Variants in AP1G1 observed in about 807,000 individuals in gnomAD.
The protein encoded by AP1G1 is adaptor related protein complex 1 subunit gamma 1.
A neutral mutation model predicts 108.3 loss-of-function variants in AP1G1; 7 were observed. That is an observed-to-expected ratio of 0.06 (90% CI 0.04 to 0.12). The LOEUF is 0.12. AP1G1 is among the 10% of genes least tolerant of loss of function. The pLI, the probability that AP1G1 is intolerant of heterozygous loss-of-function variation, is 1.00. For synonymous variants in AP1G1, 379 were observed against 353.5 expected, an observed-to-expected ratio of 1.07 and a Z score of -0.81; for missense variants, 756 against 1,010.7, an observed-to-expected ratio of 0.75 and a Z score of 3.42.
Position 71,731,789 on chromosome 16 carries a change from T to C in AP1G1, c.*1269A>G, listed in dbSNP as rs566470871. On this transcript the variant is annotated 3_prime_UTR_variant, in exon 23 of 23. Transcript: ENST00000299980. Reference sequence around the variant, plus strand: ...TCTCAGACTGAGGAAAGGCTATTCCTACCCTATGGTGTCCGTAAGACCTCC... The same window carrying C: ...TCTCAGACTGAGGAAAGGCTATTCCCACCCTATGGTGTCCGTAAGACCTCC... 2.6e-5 allele frequency: 4 copies of C among 152,644 alleles called. No homozygotes were observed. The highest frequency in any genetic ancestry group is 5.9e-5 in the Non-Finnish European group (4 of 68,032). 9.5% of individuals were successfully genotyped at this position (152,644 alleles called of 1,614,324 possible). A position where few individuals can be genotyped will look rare whatever the true frequency, so the allele number is the denominator to read the frequency against.
intron 2 of AP1G1, among the ~76,000 whole-genome samples, chr16:71,779,115 G>A (rs2031903748): frequency 1.3e-5 from 2 of 152,140 alleles, no homozygotes; most frequent in Admixed American, 6.6e-5. Context: ...AAGCATTCTA[G>A]TCAGCCATTA....
At chr16:71,774,317 G>C (rs2031692587) in intron 3 of AP1G1, 151 bp downstream of exon 3, 7 of 733,970 alleles carry the variant, frequency 9.5e-6, no homozygotes, top group Non-Finnish European at 1.5e-5. Context: ...GGCAGTTGGG[G>C]GAGGACGGTG....
chr16:71,804,930 C>A (rs1167721723), intron 1 of AP1G1, among the ~76,000 whole-genome samples: 1 of 152,062 alleles, frequency 6.6e-6, no homozygotes, highest in Non-Finnish European at 1.5e-5. Flanking sequence ...ATCACTTGAA[C>A]CTGGGAGGAG....
intron 2 of AP1G1, chr16:71,777,822 T>C: frequency 2.6e-6 from 1 of 385,948 alleles, no homozygotes. Context: ...GCCTCCATGC[T>C]TTTCTCCAAC....
intron 1 of AP1G1, among the ~76,000 whole-genome samples, chr16:71,802,602 C>T (rs954878220): frequency 3.3e-5 from 5 of 151,988 alleles, no homozygotes; most frequent in Admixed American, 6.6e-5. Flanking sequence ...TGGTGGCGGG[C>T]GCCTGTAATT....
intron 6 of AP1G1, 64 bp downstream of exon 6, chr16:71,769,559 A>G: frequency 7.0e-7 from 1 of 1,437,166 alleles, no homozygotes; most frequent in Non-Finnish European, 9.8e-7. Context: ...GAAGAAAATC[A>G]TGTACTTTTC....
At chr16:71,807,903 T>G in intron 1 of AP1G1, 3 of 1,284,190 alleles carry the variant, frequency 2.3e-6, no homozygotes, top group Non-Finnish European at 3.0e-6. Context: ...ACCAAAAAGC[T>G]AAGTATTCAG....
intron 2 of AP1G1, among the ~76,000 whole-genome samples, chr16:71,779,985 GTTTT>G (rs1046891832): frequency 2.9e-5 from 4 of 139,428 alleles, no homozygotes; most frequent in African/African-American, 8.3e-5. Context: ...TTTTGTTTCA[GTTTT>G]TTTTTGTTTT....
chr16:71,767,808 G>C, intron 6 of AP1G1: 1 of 1,446,252 alleles, frequency 6.9e-7, no homozygotes, highest in South Asian at 1.1e-5. Flanking sequence ...CACATTTGTG[G>C]ATCGATACAC....
chr16:71,734,487 C>T (rs1344423984), intron 22 of AP1G1, 122 bp downstream of exon 22: 1 of 772,608 alleles, frequency 1.3e-6, no homozygotes, highest in Non-Finnish European at 2.2e-6. Flanking sequence ...TTAGACCAGG[C>T]ATTTTCATTG....
intron 2 of AP1G1, among the ~76,000 whole-genome samples, chr16:71,780,085 CT>C (rs1237352055): frequency 1.3e-5 from 2 of 150,418 alleles, no homozygotes; most frequent in Non-Finnish European, 3.0e-5. Context: ...CCTCTGCCTC[CT>C]GGGTTCAAGC....
intron 1 of AP1G1, among the ~76,000 whole-genome samples, chr16:71,799,878 G>A (rs889317126): frequency 1.9e-4 from 28 of 149,226 alleles, no homozygotes; most frequent in African/African-American, 6.7e-4. Context: ...CAGCCTTCGT[G>A]ACAGAGCGAG....
chr16:71,746,257 G>A (rs182488905), intron 17 of AP1G1, among the ~76,000 whole-genome samples: 195 of 152,162 alleles, frequency 1.3e-3, no homozygotes, highest in African/African-American at 4.4e-3. Context: ...TGATCTGCCC[G>A]CCTCGGCCTC....
At chr16:71,764,781 T>A in intron 7 of AP1G1, 55 bp from the exon 8 acceptor site, 1 of 1,124,218 alleles carries the variant, frequency 8.9e-7, no homozygotes, top group Non-Finnish European at 1.3e-6. Flanking sequence ...CAAAGAAATC[T>A]CACTTGGTAT....
At chr16:71,791,912 C>T (rs1358474979) in intron 1 of AP1G1, among the ~76,000 whole-genome samples, 1 of 151,942 alleles carries the variant, frequency 6.6e-6, no homozygotes, top group Non-Finnish European at 1.5e-5. Context: ...CAGGCATGCA[C>T]CACCATGCTT....
chr16:71,747,306 T>C (rs2030232458), intron 16 of AP1G1: 1 of 152,234 alleles, frequency 6.6e-6, no homozygotes, highest in Non-Finnish European at 1.5e-5. Flanking sequence ...ACATTCATGA[T>C]TTTATTCCTA....
At chr16:71,769,518 A>T in intron 6 of AP1G1, 105 bp downstream of exon 6, 1 of 1,105,554 alleles carries the variant, frequency 9.0e-7, no homozygotes, top group Non-Finnish European at 1.4e-6. Flanking sequence ...TCCCTTATTC[A>T]GATCCATAGC....
intron 1 of AP1G1, among the ~76,000 whole-genome samples, chr16:71,807,041 C>G (rs2033018269): frequency 6.6e-6 from 1 of 152,202 alleles, no homozygotes; most frequent in Non-Finnish European, 1.5e-5. Context: ...TTCTCTTTTG[C>G]AGATGTGAAA....
chr16:71,771,829 G>C (rs1342493978), intron 4 of AP1G1, among the ~76,000 whole-genome samples: 1 of 152,146 alleles, frequency 6.6e-6, no homozygotes, highest in Non-Finnish European at 1.5e-5. Context: ...GATATATACT[G>C]TAAATGCTAT....
Sources: gnomAD v4.1 joint callset for allele counts (sites outside exome capture counted in the v4.1 genomes callset) on GRCh38, gnomAD v4.1.1 for gene constraint, MANE v1.5 for transcripts, NCBI Gene and HGNC (gene_info 2026-07-23, HGNC 2026-07-21) for gene names.